BBS9: variants seen among roughly 807,000 people sequenced by gnomAD.
The protein encoded by BBS9 is Bardet-Biedl syndrome 9.
BBS9 carries 89 observed loss-of-function variants against 117.7 expected under a neutral mutation model. That is an observed-to-expected ratio of 0.76 (90% CI 0.64 to 0.90). BBS9 has a LOEUF of 0.90. BBS9 is among the 40% of genes least tolerant of loss of function. The pLI is 0.00. For missense variants in BBS9, 982 were observed against 1,042.2 expected, an observed-to-expected ratio of 0.94 and a Z score of 0.80; for synonymous variants, 379 against 370.9, an observed-to-expected ratio of 1.02 and a Z score of -0.25.
chr7:33,623,077 A>G (rs1443962703), intron 21 of BBS9, among the ~76,000 whole-genome samples: 1 of 152,214 alleles, frequency 6.6e-6, no homozygotes, highest in East Asian at 1.9e-4. Context: ...AAGAATTTAT[A>G]GTCATCAAAA....
intron 4 of BBS9, among the ~76,000 whole-genome samples, chr7:33,165,412 C>G (rs957732633): frequency 3.9e-5 from 6 of 152,118 alleles, no homozygotes; most frequent in African/African-American, 1.4e-4. Context: ...TGGATAATAT[C>G]CAGCAGAGTG....
chr7:33,139,592 G>A (rs1479127101), intron 1 of BBS9, among the ~76,000 whole-genome samples: 1 of 151,206 alleles, frequency 6.6e-6, no homozygotes, highest in African/African-American at 2.4e-5. Context: ...TTTTAAAAAT[G>A]TATCATTCAT....
At chr7:33,383,083 T>C (rs1290161863) in intron 17 of BBS9, among the ~76,000 whole-genome samples, 2 of 152,124 alleles carry the variant, frequency 1.3e-5, no homozygotes, top group Non-Finnish European at 2.9e-5. Context: ...TAGCTAGAAA[T>C]TGGTCATCTT....
At chr7:33,137,463 G>A (rs1018194967) in intron 1 of BBS9, among the ~76,000 whole-genome samples, 12 of 152,178 alleles carry the variant, frequency 7.9e-5, no homozygotes, top group African/African-American at 2.4e-4. Context: ...CACTGGCTCC[G>A]CAGAGTGGGC....
chr7:33,593,530 G>C (rs116338410), intron 21 of BBS9, among the ~76,000 whole-genome samples: 1 of 152,038 alleles, frequency 6.6e-6, no homozygotes, highest in Non-Finnish European at 1.5e-5. Flanking sequence ...CAAATAAATA[G>C]AAGAGTTCTC....
chr7:33,434,442 T>G (rs1196799850), intron 19 of BBS9, among the ~76,000 whole-genome samples: 1 of 152,178 alleles, frequency 6.6e-6, no homozygotes, highest in East Asian at 1.9e-4. Context: ...CTTCTAGTGC[T>G]AAAAGCCACC....
At chr7:33,268,875 C>T (rs1053493737) in intron 7 of BBS9, among the ~76,000 whole-genome samples, 9 of 152,136 alleles carry the variant, frequency 5.9e-5, no homozygotes, top group Admixed American at 1.3e-4. Context: ...CAGACACTGA[C>T]GTACAAAGCC....
At chr7:33,242,289 A>G (rs1021443983) in intron 5 of BBS9, among the ~76,000 whole-genome samples, 5 of 152,014 alleles carry the variant, frequency 3.3e-5, no homozygotes, top group Non-Finnish European at 5.9e-5. Flanking sequence ...GCTATTTACA[A>G]GTTCTCCTTA....
intron 19 of BBS9, among the ~76,000 whole-genome samples, chr7:33,487,794 C>T (rs191612803): frequency 6.6e-6 from 1 of 152,264 alleles, no homozygotes; most frequent in East Asian, 1.9e-4. Context: ...CAGGGAACAC[C>T]TTATGCCCAA....
intron 21 of BBS9, among the ~76,000 whole-genome samples, chr7:33,598,901 T>A (rs565837747): frequency 3.3e-5 from 5 of 152,334 alleles, no homozygotes; most frequent in Non-Finnish European, 5.9e-5. Context: ...AAACTACTTA[T>A]GGCCCACAGG....
In BBS9 at chr7:33,605,341, T is replaced by C. The variant is rs2129208964; in HGVS notation, c.*115T>C. 1 of 1,082,100 alleles carries C rather than the reference T, an allele frequency of 9.2e-7. No individual in the cohort carries two copies. The highest frequency in any genetic ancestry group is 1.6e-5 in the African/African-American group (1 of 64,278). The allele number at this position is 1,082,100 out of a possible 1,614,324, so 67.0% of individuals were successfully genotyped here. ...CGCAGGTGCTTCCTAAAGCTCACCT[T>C]CCTGGAGATGACATGCATAGAAAGA... On this transcript the variant is annotated 3_prime_UTR_variant, in exon 23 of 23. Transcript: ENST00000242067.
intron 5 of BBS9, among the ~76,000 whole-genome samples, chr7:33,256,968 C>A (rs1034430263): frequency 8.6e-5 from 13 of 151,972 alleles, no homozygotes; most frequent in Admixed American, 2.6e-4. Flanking sequence ...ATCATCATTA[C>A]CATCATCTCA....
At chr7:33,355,816 T>C (rs1819517816) in intron 15 of BBS9, among the ~76,000 whole-genome samples, 1 of 151,914 alleles carries the variant, frequency 6.6e-6, no homozygotes, top group Non-Finnish European at 1.5e-5. Context: ...TCTGGGTTCG[T>C]GGAGATGTAG....
chr7:33,195,102 G>A (rs1020229768), intron 5 of BBS9, among the ~76,000 whole-genome samples: 1 of 152,132 alleles, frequency 6.6e-6, no homozygotes, highest in African/African-American at 2.4e-5. Flanking sequence ...AGGTCTATGT[G>A]TTCTGAGAAA....
intron 20 of BBS9, among the ~76,000 whole-genome samples, chr7:33,516,518 A>G (rs537294996): frequency 7.1e-6 from 1 of 140,894 alleles, no homozygotes; most frequent in African/African-American, 2.6e-5. Context: ...AAAAGAGTTG[A>G]TGGAACACAT....
At chr7:33,513,416 A>G (rs922168813) in intron 20 of BBS9, among the ~76,000 whole-genome samples, 2 of 151,580 alleles carry the variant, frequency 1.3e-5, no homozygotes, top group Non-Finnish European at 2.9e-5. Context: ...ATATAAGGAA[A>G]TATTCTACAT....
chr7:33,298,557 G>C (rs2128418638), intron 9 of BBS9, among the ~76,000 whole-genome samples: 1 of 152,252 alleles, frequency 6.6e-6, no homozygotes, highest in East Asian at 1.9e-4. Flanking sequence ...AATGATAGTT[G>C]TTTCTGAATG....
At chr7:33,391,795 G>A (rs1331702043) in intron 19 of BBS9, among the ~76,000 whole-genome samples, 2 of 151,990 alleles carry the variant, frequency 1.3e-5, no homozygotes, top group Non-Finnish European at 2.9e-5. Flanking sequence ...ACCTATTTAT[G>A]TATGTAATCT....
chr7:33,541,455 A>G (rs1585185260), intron 21 of BBS9, among the ~76,000 whole-genome samples: 4 of 152,348 alleles, frequency 2.6e-5, no homozygotes, highest in Admixed American at 2.6e-4. Flanking sequence ...CCTATCATTC[A>G]TCTCTGTGTT....
Sources: allele counts gnomAD v4.1 joint callset (sites outside exome capture counted in the v4.1 genomes callset), GRCh38; gene constraint gnomAD v4.1.1; transcripts MANE v1.5; gene names NCBI Gene and HGNC (gene_info 2026-07-23, HGNC 2026-07-21).